The following CEPT1 variants were observed in gnomAD, a reference collection of about 807,000 sequenced individuals.
The protein encoded by CEPT1 is choline/ethanolamine phosphotransferase 1, also known as choline/ethanolaminephosphotransferase 1.
Under a neutral mutation model 42.6 loss-of-function variants are expected in CEPT1, and 7 were observed. The ratio of observed to expected loss-of-function variants is 0.16; its 90% CI spans 0.09 to 0.31. CEPT1 has a LOEUF of 0.31. Among genes scored for constraint, CEPT1 ranks in the 10% least tolerant of loss-of-function variants. CEPT1 has a pLI of 1.00. For missense variants in CEPT1, 306 were observed against 502.1 expected (o/e 0.61, Z 3.73); for synonymous variants, 171 against 171.9 (o/e 0.99, Z 0.04).
chr1:111,155,365 G>A (rs1032262448), intron 2 of CEPT1, among the ~76,000 whole-genome samples: 2 of 151,552 alleles, frequency 1.3e-5, no homozygotes, highest in Non-Finnish European at 2.9e-5. Flanking sequence ...TGGGTCTTCT[G>A]TCTTTTTTTC....
At chr1:111,168,019 G>T (rs1333165182) in intron 4 of CEPT1, 1 of 160,826 alleles carries the variant, frequency 6.2e-6, no homozygotes, top group African/African-American at 2.4e-5. Flanking sequence ...TCACCTTTCT[G>T]CACTGTCACA....
chr1:111,168,521 C>T (rs988148810), intron 4 of CEPT1, among the ~76,000 whole-genome samples: 2 of 150,548 alleles, frequency 1.3e-5, no homozygotes, highest in Non-Finnish European at 3.0e-5. Context: ...CGGAGTCTCA[C>T]TCTGTCACCC....
At chr1:111,172,326 G>A (rs1446872723) in intron 4 of CEPT1, among the ~76,000 whole-genome samples, 1 of 151,742 alleles carries the variant, frequency 6.6e-6, no homozygotes. Context: ...TGGTTTTGAG[G>A]AATAGTCCCA....
chr1:111,155,624 C>G (rs1159923456), intron 2 of CEPT1, among the ~76,000 whole-genome samples: 2 of 151,974 alleles, frequency 1.3e-5, no homozygotes, highest in African/African-American at 4.8e-5. Context: ...ACTGCAACCT[C>G]CGCCTCACCT....
chr1:111,174,375 C>T (rs896080592), intron 4 of CEPT1, among the ~76,000 whole-genome samples: 2 of 151,632 alleles, frequency 1.3e-5, no homozygotes, highest in African/African-American at 4.8e-5. Flanking sequence ...TTTTTTCACA[C>T]CTATACAATG....
At chr1:111,143,011 T>C (rs1445573945) in intron 1 of CEPT1, among the ~76,000 whole-genome samples, 1 of 152,224 alleles carries the variant, frequency 6.6e-6, no homozygotes, top group African/African-American at 2.4e-5. Context: ...TTTAAAATAT[T>C]CACTTTTACT....
In CEPT1 at chr1:111,184,428, T is replaced by C. The variant is rs1391531176; in HGVS notation, c.*118T>C. On this transcript the variant is annotated 3_prime_UTR_variant, in exon 9 of 9. Coordinates refer to ENST00000357172, the MANE Select transcript of CEPT1 (RefSeq NM_006090.5). ...TATAATAATCAATGTTGTATAACTT[T>C]TATTCTTTATTATTGGTAACACGCC... The C allele has an allele frequency of 1.7e-5, 12 of 721,472 alleles. No individual in the cohort carries two copies. The highest frequency in any genetic ancestry group is 2.5e-5 in the Non-Finnish European group (12 of 477,148). The allele number at this position is 721,472 out of a possible 1,614,324, so 44.7% of individuals were successfully genotyped here.
At chr1:111,142,461 T>C (rs1253802451) in intron 1 of CEPT1, among the ~76,000 whole-genome samples, 1 of 152,206 alleles carries the variant, frequency 6.6e-6, no homozygotes, top group East Asian at 1.9e-4. Flanking sequence ...TATTAAATAC[T>C]AGACGAATAA....
chr1:111,145,800 C>T (rs569235952), intron 1 of CEPT1, among the ~76,000 whole-genome samples: 22 of 152,356 alleles, frequency 1.4e-4, no homozygotes, highest in Non-Finnish European at 3.2e-4. Flanking sequence ...GGGCCTTGGC[C>T]TGGCTTCACT....
At position 111,148,005 on chromosome 1, in the gene CEPT1, C is replaced by A. The variant is rs141101459; in HGVS notation, c.291C>A (p.Ile97=). The A allele has an allele frequency of 3.2e-4, 512 of 1,614,142 alleles. No individual in the cohort carries two copies. The highest frequency in any genetic ancestry group is 9.9e-4 in the Middle Eastern group (6 of 6,062). Reference sequence around the variant, plus strand: ...CCATCATTGGACTGTCAATAAACATCTGTACAACTATTTTATTAGTCTTCT... The same window carrying A: ...CCATCATTGGACTGTCAATAAACATATGTACAACTATTTTATTAGTCTTCT... ...LITIIGLSIN[I]CTTILLVFYC... The change falls in exon 2 of 9, where the codon ATC becomes ATA. Residue 97 remains isoleucine, a synonymous_variant. Transcript: ENST00000357172.
intron 5 of CEPT1, chr1:111,181,959 G>T: frequency 3.4e-6 from 1 of 292,622 alleles, no homozygotes; most frequent in Non-Finnish European, 6.3e-6. Flanking sequence ...TGGTTTTTTT[G>T]TTTTTTTTAA....
intron 5 of CEPT1, among the ~76,000 whole-genome samples, chr1:111,175,837 G>A (rs766041972): frequency 2.6e-5 from 4 of 152,050 alleles, no homozygotes; most frequent in East Asian, 3.9e-4. Flanking sequence ...GTTAATTGCC[G>A]ATTTCTACCA....
At chr1:111,142,773 C>T (rs549009192) in intron 1 of CEPT1, among the ~76,000 whole-genome samples, 3 of 152,060 alleles carry the variant, frequency 2.0e-5, no homozygotes, top group Admixed American at 1.3e-4. Flanking sequence ...AGAGTATACA[C>T]AACAGTCTGG....
intron 4 of CEPT1, among the ~76,000 whole-genome samples, chr1:111,164,910 C>T (rs566287169): frequency 9.3e-5 from 14 of 150,462 alleles, no homozygotes; most frequent in South Asian, 2.1e-4. Flanking sequence ...TGTGAGCCAC[C>T]GCACCCGGCC....
intron 2 of CEPT1, among the ~76,000 whole-genome samples, chr1:111,157,983 A>G (rs552583245): frequency 1.3e-5 from 2 of 152,320 alleles, no homozygotes; most frequent in African/African-American, 4.8e-5. Flanking sequence ...AAAGTGATAC[A>G]ATATACTCTT....
chr1:111,167,894 T>A, intron 4 of CEPT1: 6 of 359,026 alleles, frequency 1.7e-5, no homozygotes, highest in Non-Finnish European at 2.1e-5. Flanking sequence ...TCTTTTTCCT[T>A]TTTTTTTTTT....
At chr1:111,165,238 C>T (rs938133859) in intron 4 of CEPT1, among the ~76,000 whole-genome samples, 7 of 147,840 alleles carry the variant, frequency 4.7e-5, no homozygotes, top group East Asian at 4.1e-4. Flanking sequence ...TTAGTAGAGA[C>T]AGGGTTTCAC....
At chr1:111,174,839 G>T (rs1656597681) in intron 4 of CEPT1, 40 bp from the exon 5 acceptor site, 2 of 1,211,746 alleles carry the variant, frequency 1.7e-6, no homozygotes, top group Non-Finnish European at 1.2e-6. Flanking sequence ...TGAAATTGTT[G>T]TGACTAATTC....
intron 4 of CEPT1, among the ~76,000 whole-genome samples, chr1:111,171,596 A>G (rs1656414735): frequency 6.6e-6 from 1 of 152,210 alleles, no homozygotes; most frequent in Non-Finnish European, 1.5e-5. Context: ...ACAGCCATCA[A>G]AACAGTGTTT....
Sources: allele counts gnomAD v4.1 joint callset (sites outside exome capture counted in the v4.1 genomes callset), GRCh38; gene constraint gnomAD v4.1.1; transcripts MANE v1.5; gene names NCBI Gene and HGNC (gene_info 2026-07-23, HGNC 2026-07-21).